The following GIPC2 variants were observed in gnomAD, a reference collection of about 807,000 sequenced individuals.
The protein encoded by GIPC2 is GIPC PDZ domain containing family member 2, also known as PDZ domain-containing protein GIPC2.
GIPC2 carries 30 observed loss-of-function variants against 30.6 expected under a neutral mutation model. That is an observed-to-expected ratio of 0.98 (90% CI 0.73 to 1.33). The LOEUF (loss-of-function observed/expected upper bound fraction) is 1.33. Among genes scored for constraint, GIPC2 ranks in the 40% most tolerant of loss-of-function variants. The probability of loss-of-function intolerance (pLI) is 0.00; values close to 1 mark genes in which losing one functional copy is unlikely to be tolerated. For synonymous variants in GIPC2, 167 were observed against 150.0 expected (o/e 1.11, Z -0.83); for missense variants, 414 against 390.3 (o/e 1.06, Z -0.51).
intron 5 of GIPC2, among the ~76,000 whole-genome samples, chr1:78,128,654 A>T (rs575198118): frequency 1.3e-5 from 2 of 152,194 alleles, no homozygotes; most frequent in Non-Finnish European, 2.9e-5. Context: ...ATATACATAC[A>T]CACATACGCA....
intron 2 of GIPC2, among the ~76,000 whole-genome samples, chr1:78,087,826 C>T (rs541068384): frequency 6.6e-6 from 1 of 152,114 alleles, no homozygotes; most frequent in Admixed American, 6.5e-5. Context: ...AAACAGACAA[C>T]CTACAGAATA....
intron 5 of GIPC2, among the ~76,000 whole-genome samples, chr1:78,130,839 G>A (rs1213333856): frequency 1.3e-5 from 2 of 152,154 alleles, no homozygotes; most frequent in Non-Finnish European, 2.9e-5. Context: ...TAAAAGTTCT[G>A]TTTAAGTGTT....
chr1:78,088,736 C>T (rs1241640964), intron 2 of GIPC2, among the ~76,000 whole-genome samples: 1 of 151,742 alleles, frequency 6.6e-6, no homozygotes, highest in Admixed American at 6.6e-5. Context: ...ACCAGCTACT[C>T]ATGAGGCTGA....
At chr1:78,073,106 G>A (rs1162687723) in intron 1 of GIPC2, among the ~76,000 whole-genome samples, 10 of 149,128 alleles carry the variant, frequency 6.7e-5, no homozygotes, top group South Asian at 2.1e-4. Flanking sequence ...ACCATGCCCG[G>A]CCTTTTTTTT....
chr1:78,123,864 A>T (rs1173205474), intron 4 of GIPC2, among the ~76,000 whole-genome samples: 2 of 152,246 alleles, frequency 1.3e-5, no homozygotes, highest in African/African-American at 4.8e-5. Context: ...CTTTATACAG[A>T]CAATTCAAGA....
Position 78,135,592 on chromosome 1 carries a change from C to G in GIPC2, c.797C>G (p.Ala266Gly), listed in dbSNP as rs1662985094. 1 of 1,520,724 alleles carries G rather than the reference C, an allele frequency of 6.6e-7. No individual in the cohort carries two copies. The highest frequency in any genetic ancestry group is 1.4e-5 in the African/African-American group (1 of 72,180). The allele number at this position is 1,520,724 out of a possible 1,614,324, so 94.2% of individuals were successfully genotyped here. A position where few individuals can be genotyped will look rare whatever the true frequency, so the allele number is the denominator to read the frequency against. The change falls in exon 6 of 6, where the codon GCC becomes GGC. Residue 266 changes from alanine (A) to glycine (G), a missense_variant and splice_region_variant. By Grantham distance (60) the Ala-to-Gly change is moderately conservative. Coordinates refer to ENST00000370759, the MANE Select transcript of GIPC2 (RefSeq NM_017655.6). The stretch of plus-strand genomic sequence containing the variant: ...AATTTTTTAATATTATTTTTGATAG[C>G]CACCACAATGTTTGAAGCTGGAAAG... Reference protein sequence around the residue: ...LYMGIRDIDLATTMFEAGKDK... With the variant: ...LYMGIRDIDLGTTMFEAGKDK...
At position 78,102,607 on chromosome 1, in the gene GIPC2, A is replaced by G. The variant is rs138052062; in HGVS notation, c.607+7475A>G. Reference sequence around the variant, plus strand: ...TGTAGTCTCTGCCAGGGACTGGCTTATGATATGTGACATTGGGTAAGTTAT... The same window carrying G: ...TGTAGTCTCTGCCAGGGACTGGCTTGTGATATGTGACATTGGGTAAGTTAT... On this transcript the variant is annotated intron_variant, in intron 3 of 5. Transcript: ENST00000370759. Among the ~76,000 whole-genome samples, 313 of 152,352 alleles carry G rather than the reference A, an allele frequency of 2.1e-3. 4 individuals carry two copies. Among genetic ancestry groups the G allele is most frequent in the African/African-American group, 6.8e-3 (281 of 41,594 alleles).
chr1:78,123,151 T>C (rs576473488), intron 4 of GIPC2, among the ~76,000 whole-genome samples: 1 of 150,822 alleles, frequency 6.6e-6, no homozygotes, highest in East Asian at 2.0e-4. Flanking sequence ...TCCCAGCTAC[T>C]TGGGAGGCTG....
chr1:78,091,285 T>C (rs186164509), intron 2 of GIPC2, among the ~76,000 whole-genome samples: 6 of 152,348 alleles, frequency 3.9e-5, no homozygotes, highest in Non-Finnish European at 8.8e-5. Flanking sequence ...GTTAGCTTAT[T>C]ATTATGGGCG....
At chr1:78,117,470 A>G (rs1426117171) in intron 3 of GIPC2, among the ~76,000 whole-genome samples, 3 of 152,236 alleles carry the variant, frequency 2.0e-5, no homozygotes, top group Admixed American at 2.0e-4. Context: ...ACCTCAGATC[A>G]TCAGGCATTA....
In GIPC2 at chr1:78,134,045, A is replaced by G. The variant is rs537949311; in HGVS notation, c.797-1547A>G. Among the ~76,000 whole-genome samples, 4 of 152,152 alleles carry G rather than the reference A, an allele frequency of 2.6e-5. No individual in the cohort carries two copies. The South Asian group carries it at 6.2e-4, about 24-fold the overall frequency. ...TCTGCCATTTTTCTGAGGAAGTCTT[A>G]GTCTTTCTAATGGAGAATGGTATTT... On this transcript the variant is annotated intron_variant, in intron 5 of 5. Transcript: ENST00000370759.
intron 5 of GIPC2, among the ~76,000 whole-genome samples, chr1:78,132,698 TA>T (rs1662923206): frequency 1.3e-5 from 2 of 150,312 alleles, no homozygotes; most frequent in Non-Finnish European, 3.0e-5. Context: ...TGTGTGTGTG[TA>T]GAGAGAGAAA....
intron 2 of GIPC2, among the ~76,000 whole-genome samples, chr1:78,087,474 C>T (rs1191467250): frequency 6.6e-6 from 1 of 152,092 alleles, no homozygotes; most frequent in Non-Finnish European, 1.5e-5. Context: ...TTTAACAAAG[C>T]TGACAAAAAT....
chr1:78,126,843 G>A (rs1170398125), intron 5 of GIPC2, among the ~76,000 whole-genome samples: 1 of 152,162 alleles, frequency 6.6e-6, no homozygotes, highest in Non-Finnish European at 1.5e-5. Flanking sequence ...GCCCAATATT[G>A]TCGCTGGTTG....
At chr1:78,133,680 G>T (rs920231848) in intron 5 of GIPC2, among the ~76,000 whole-genome samples, 1 of 151,858 alleles carries the variant, frequency 6.6e-6, no homozygotes, top group Non-Finnish European at 1.5e-5. Context: ...AGAACCAAGG[G>T]TTCTGTAGAT....
chr1:78,055,681 C>A (rs1363607727), intron 1 of GIPC2, among the ~76,000 whole-genome samples: 1 of 152,170 alleles, frequency 6.6e-6, no homozygotes, highest in East Asian at 1.9e-4. Context: ...TCTTATTAAA[C>A]TTCCTAAGAA....
intron 1 of GIPC2, among the ~76,000 whole-genome samples, chr1:78,073,770 A>C (rs528440814): frequency 1.3e-5 from 2 of 152,344 alleles, no homozygotes; most frequent in South Asian, 4.1e-4. Context: ...CTTTTGAAAC[A>C]CTAATGACAA....
At chr1:78,084,879 GCAAA>G (rs1423413677) in intron 2 of GIPC2, among the ~76,000 whole-genome samples, 1 of 152,136 alleles carries the variant, frequency 6.6e-6, no homozygotes, top group Non-Finnish European at 1.5e-5. Context: ...CATGTCATCT[GCAAA>G]CAGAGATAGT....
intron 5 of GIPC2, among the ~76,000 whole-genome samples, chr1:78,134,776 G>A (rs955963127): frequency 6.6e-6 from 1 of 152,152 alleles, no homozygotes; most frequent in African/African-American, 2.4e-5. Context: ...TTTCCCTGGG[G>A]CTTTGGCGTT....
Sources: allele counts gnomAD v4.1 joint callset (sites outside exome capture counted in the v4.1 genomes callset), GRCh38; gene constraint gnomAD v4.1.1; transcripts MANE v1.5; gene names NCBI Gene and HGNC (gene_info 2026-07-23, HGNC 2026-07-21).